Variants in LRRC8C observed in about 807,000 individuals in gnomAD.
LRRC8C encodes the protein leucine rich repeat containing 8 VRAC subunit C.
A neutral mutation model predicts 55.3 loss-of-function variants in LRRC8C; 20 were observed. That is an observed-to-expected ratio of 0.36 (90% CI 0.25 to 0.53). The LOEUF (loss-of-function observed/expected upper bound fraction) is 0.53. LRRC8C is among the 20% of genes least tolerant of loss of function. The pLI, the probability that LRRC8C is intolerant of heterozygous loss-of-function variation, is 0.92. For missense variants in LRRC8C, 659 were observed against 951.4 expected (o/e 0.69, Z 4.04); for synonymous variants, 376 against 360.7 (o/e 1.04, Z -0.48).
At chr1:89,660,537 C>G (rs777352465) in intron 1 of LRRC8C, among the ~76,000 whole-genome samples, 4 of 152,194 alleles carry the variant, frequency 2.6e-5, no homozygotes, top group Middle Eastern at 3.2e-3. Flanking sequence ...TATTTCCCCC[C>G]AGATGTTCCC....
At chr1:89,666,472 C>T (rs1657267069) in intron 1 of LRRC8C, among the ~76,000 whole-genome samples, 2 of 152,088 alleles carry the variant, frequency 1.3e-5, no homozygotes, top group Admixed American at 6.5e-5. Context: ...CAGTTCTTGT[C>T]CCACTCCTCT....
chr1:89,648,012 T>G (rs557288081), intron 1 of LRRC8C, among the ~76,000 whole-genome samples: 1 of 152,302 alleles, frequency 6.6e-6, no homozygotes, highest in Admixed American at 6.5e-5. Flanking sequence ...GAGGCTGCAG[T>G]GAACTATGTT....
At chr1:89,701,480 CA>C (rs398053212) in intron 2 of LRRC8C, among the ~76,000 whole-genome samples, 198 of 122,294 alleles carry the variant, frequency 1.6e-3, no homozygotes, top group Non-Finnish European at 1.3e-3. Flanking sequence ...GACTCCATCT[CA>C]AAAAAAAAAA....
At chr1:89,619,421 TAAC>T in the LRRC8C span, among the ~76,000 whole-genome samples, 4 of 150,160 alleles carry the variant, frequency 2.7e-5, no homozygotes, top group African/African-American at 7.3e-5. Context: ...TTAATAAAAA[TAAC>T]AATTTATTTA....
rs774803777 is a variant in LRRC8C, at chr1:89,715,105, G to A, written c.*123G>A. 113 of 506,500 alleles carry A rather than the reference G, an allele frequency of 2.2e-4. No individual in the cohort carries two copies. Among genetic ancestry groups the A allele is most frequent in the Non-Finnish European group, 3.3e-4 (98 of 295,048 alleles). 31.4% of individuals were successfully genotyped at this position (506,500 alleles called of 1,614,324 possible). On this transcript the variant is annotated 3_prime_UTR_variant, in exon 3 of 3. Transcript: ENST00000370454. ...CACACAAAATGTACACAAAGATCGC[G>A]TAAGGAGTATGTATTTTTAATAAAA...
chr1:89,692,937 C>T lies in LRRC8C; in HGVS notation c.138+6326C>T, dbSNP rs1306097249. 2.6e-5 allele frequency among the ~76,000 whole-genome samples: 4 copies of T among 152,178 alleles called. No individual in the cohort carries two copies. The South Asian group carries it at 6.2e-4, about 24-fold the overall frequency. ...TATCTTATTATGACCAAATCCAAAA[C>T]AGCCCATGGGCAGACCGTTACCAAA... On this transcript the variant is annotated intron_variant, in intron 2 of 2. Transcript: ENST00000370454.
In LRRC8C at chr1:89,717,486, C is replaced by A. The variant is rs1438651071; in HGVS notation, c.*2504C>A. The A allele has an allele frequency of 6.6e-6, 1 of 152,070 alleles. No homozygotes were observed. The highest frequency in any genetic ancestry group is 1.5e-5 in the Non-Finnish European group (1 of 67,998). 9.4% of individuals were successfully genotyped at this position (152,070 alleles called of 1,614,324 possible). A position where few individuals can be genotyped will look rare whatever the true frequency, so the allele number is the denominator to read the frequency against. ...GTGATTTTGCAGGCTGACCCCCAAC[C>A]TAAGTTTTGATAACATCTGGTAAGT... On this transcript the variant is annotated 3_prime_UTR_variant, in exon 3 of 3. Transcript: ENST00000370454.
rs1281233542 is a variant in LRRC8C, at chr1:89,717,331, T to C, written c.*2349T>C. 1 of 152,174 alleles carries C rather than the reference T, an allele frequency of 6.6e-6. No homozygotes were observed. The highest frequency in any genetic ancestry group is 1.5e-5 in the Non-Finnish European group (1 of 68,020). The allele number at this position is 152,174 out of a possible 1,614,324, so 9.4% of individuals were successfully genotyped here. ...ATCTCTTCAGGTTAAAAATCACGCT[T>C]ATGCTGAAGTCTTTATCTGGTGTTA... On this transcript the variant is annotated 3_prime_UTR_variant, in exon 3 of 3. Transcript: ENST00000370454.
chr1:89,713,415 C>T lies in LRRC8C; in HGVS notation c.845C>T (p.Ala282Val). 6.2e-7 allele frequency: 1 copy of T among 1,614,136 alleles called. No homozygotes were observed. The highest frequency in any genetic ancestry group is 8.5e-7 in the Non-Finnish European group (1 of 1,180,006). The change falls in exon 3 of 3, where the codon GCT becomes GTT. Residue 282 changes from alanine (A) to valine (V), a missense_variant. By Grantham distance (64) the Ala-to-Val change is moderately conservative. Around this residue, in one of 5 missense-constraint regions of LRRC8C, gnomAD observed 200 missense variants for 360.5 expected, o/e 0.55. Coordinates refer to ENST00000370454, the MANE Select transcript of LRRC8C (RefSeq NM_032270.5). This position sits in a 1 kb window ranked among gnomAD's most constrained non-coding sequence, Gnocchi z 5.2. ...CTAATCATCATTGCATATAATAGTG[C>T]TCTGGTTTCCAAGGTCCAGTTTACA... ...KFLIIIAYNS[A>V]LVSKVQFTVD... is the part of the protein sequence containing the mutation.
chr1:89,651,073 T>C (rs921935287), intron 1 of LRRC8C, among the ~76,000 whole-genome samples: 1 of 152,152 alleles, frequency 6.6e-6, no homozygotes, highest in Admixed American at 6.5e-5. Flanking sequence ...ATATATGCCA[T>C]GAAGTACCTT....
intron 1 of LRRC8C, among the ~76,000 whole-genome samples, chr1:89,671,751 A>AC (rs1213376341): frequency 6.6e-6 from 1 of 152,226 alleles, no homozygotes; most frequent in Non-Finnish European, 1.5e-5. Context: ...GTGGAGGATG[A>AC]CCAAGTATAG....
At chr1:89,677,203 GAAA>G (rs1295246818) in intron 1 of LRRC8C, among the ~76,000 whole-genome samples, 2 of 152,138 alleles carry the variant, frequency 1.3e-5, no homozygotes, top group Non-Finnish European at 2.9e-5. Context: ...AACACCCTTA[GAAA>G]AATAGGTTAA....
At chr1:89,667,190 G>A (rs1379267570) in intron 1 of LRRC8C, among the ~76,000 whole-genome samples, 1 of 152,050 alleles carries the variant, frequency 6.6e-6, no homozygotes, top group Non-Finnish European at 1.5e-5. Flanking sequence ...CTGCCTAGGT[G>A]GTTTCATCCT....
At chr1:89,692,507 A>G (rs771844132) in intron 2 of LRRC8C, among the ~76,000 whole-genome samples, 7 of 152,226 alleles carry the variant, frequency 4.6e-5, no homozygotes, top group African/African-American at 7.2e-5. Flanking sequence ...TTTTCTATCA[A>G]GGGGATGTTG....
intron 2 of LRRC8C, among the ~76,000 whole-genome samples, chr1:89,699,246 G>T (rs1473340151): frequency 6.6e-6 from 1 of 152,164 alleles, no homozygotes; most frequent in African/African-American, 2.4e-5. Flanking sequence ...GGGATAAGTA[G>T]GTATAGCTCA....
Position 89,716,055 on chromosome 1 carries a change from A to G in LRRC8C, c.*1073A>G, listed in dbSNP as rs1048352809. 3.9e-5 allele frequency: 6 copies of G among 152,182 alleles called. No individual in the cohort carries two copies. The highest frequency in any genetic ancestry group is 1.4e-4 in the African/African-American group (6 of 41,452). 9.4% of individuals were successfully genotyped at this position (152,182 alleles called of 1,614,324 possible). On this transcript the variant is annotated 3_prime_UTR_variant, in exon 3 of 3. Transcript: ENST00000370454. ...GGATTCCACCAACTGTAGATGGAAA[A>G]TACTCAAAAAGAAAGTTGTGTCTGT... is the stretch of plus-strand genomic sequence containing the variant.
At chr1:89,660,481 T>C (rs570937512) in intron 1 of LRRC8C, among the ~76,000 whole-genome samples, 2 of 152,182 alleles carry the variant, frequency 1.3e-5, no homozygotes, top group African/African-American at 4.8e-5. Context: ...ATGATTCCAA[T>C]GTGCAGCCAA....
At chr1:89,624,088 G>A in the LRRC8C span, among the ~76,000 whole-genome samples, 2 of 152,192 alleles carry the variant, frequency 1.3e-5, no homozygotes, top group African/African-American at 2.4e-5. Flanking sequence ...CAAAGAGAGC[G>A]AGAAAGCACC....
At chr1:89,671,476 A>G (rs1221955164) in intron 1 of LRRC8C, among the ~76,000 whole-genome samples, 1 of 152,218 alleles carries the variant, frequency 6.6e-6, no homozygotes, top group Non-Finnish European at 1.5e-5. Flanking sequence ...AGGGGCCCTC[A>G]TGGCAGGCTG....
Sources: gnomAD v4.1 joint callset for allele counts (sites outside exome capture counted in the v4.1 genomes callset) on GRCh38, gnomAD v4.1.1 for gene constraint, gnomAD v4.1.1 regional missense constraint, Gnocchi (gnomAD v3.1) non-coding constraint, MANE v1.5 for transcripts, NCBI Gene and HGNC (gene_info 2026-07-23, HGNC 2026-07-21) for gene names.